The following ALDH1A3 variants were observed in gnomAD, a reference collection of about 807,000 sequenced individuals.
ALDH1A3 encodes the protein retinaldehyde dehydrogenase 3.
Under a neutral mutation model 57.5 loss-of-function variants are expected in ALDH1A3, and 28 were observed. The observed-to-expected ratio is 0.49, with a 90% CI of 0.36 to 0.67. The LOEUF (loss-of-function observed/expected upper bound fraction) is 0.67, where lower values mean the gene tolerates loss of function less well. ALDH1A3 is among the 30% of genes least tolerant of loss of function. The probability of loss-of-function intolerance (pLI) is 0.00; values close to 1 mark genes in which losing one functional copy is unlikely to be tolerated. For missense variants in ALDH1A3, 507 were observed against 669.4 expected, an observed-to-expected ratio of 0.76 and a Z score of 2.68; for synonymous variants, 281 against 264.8, an observed-to-expected ratio of 1.06 and a Z score of -0.59.
At chr15:100,898,791 C>T (rs1306529875) in intron 8 of ALDH1A3, among the ~76,000 whole-genome samples, 1 of 152,208 alleles carries the variant, frequency 6.6e-6, no homozygotes, top group Non-Finnish European at 1.5e-5. Flanking sequence ...TCTTGACAGC[C>T]AAACGACACA....
chr15:100,880,213 G>A (rs1596202344), intron 1 of ALDH1A3: 1 of 400,710 alleles, frequency 2.5e-6, no homozygotes. Flanking sequence ...GCTCGGCGCT[G>A]TGAGCCTCGA....
intron 3 of ALDH1A3, chr15:100,888,883 G>A (rs2041621987): frequency 6.6e-6 from 1 of 152,364 alleles, no homozygotes; most frequent in Non-Finnish European, 1.5e-5. Flanking sequence ...ATGAGGTCAT[G>A]TGAAGACCCA....
chr15:100,885,647 T>C (rs191557810), intron 2 of ALDH1A3, among the ~76,000 whole-genome samples: 1 of 129,652 alleles, frequency 7.7e-6, no homozygotes, highest in African/African-American at 3.2e-5. Context: ...GGAAAGGTTT[T>C]CTTTTTTCTT....
At position 100,893,945 on chromosome 15, in the gene ALDH1A3, C is replaced by T; in HGVS notation, c.538-9C>T. On this transcript the variant is annotated splice_polypyrimidine_tract_variant and intron_variant, in intron 5 of 12. Transcript: ENST00000329841. The surrounding 1 kb of genome is among the most constrained non-coding windows in gnomAD (Gnocchi z 4.8). ...TCTGGGCCTCCAAAGCCCCTGTGCT[C>T]TGTCGCAGTGGAACTTCCCCCTGCT... 1 of 1,613,844 alleles carries T rather than the reference C, an allele frequency of 6.2e-7. No individual in the cohort carries two copies. The highest frequency in any genetic ancestry group is 8.5e-7 in the Non-Finnish European group (1 of 1,179,832).
chr15:100,905,304 G>A (rs980879125), intron 9 of ALDH1A3, among the ~76,000 whole-genome samples: 1 of 152,240 alleles, frequency 6.6e-6, no homozygotes, highest in Non-Finnish European at 1.5e-5. Context: ...TCCAGAGGAT[G>A]AGACTAGTCT....
intron 11 of ALDH1A3, among the ~76,000 whole-genome samples, chr15:100,907,844 C>CTTTTTTTTTTTTTTTTTTTTT (rs71151987): frequency 4.9e-4 from 40 of 81,906 alleles, no homozygotes; most frequent in East Asian, 8.6e-4. Context: ...TTCTTTCTTT[C>CTTTTTTTTTTTTTTTTTTTTT]TTTTTTTTTT....
At chr15:100,884,787 A>G (rs575004335) in intron 1 of ALDH1A3, among the ~76,000 whole-genome samples, 11 of 152,192 alleles carry the variant, frequency 7.2e-5, no homozygotes, top group South Asian at 2.1e-4. Flanking sequence ...TTGGCAATCA[A>G]TCTTGCTGAG....
rs199537142 is a variant in ALDH1A3, at chr15:100,887,659, C to T, written c.292C>T (p.Arg98Trp). 18 of 1,610,874 alleles carry T rather than the reference C, an allele frequency of 1.1e-5. No homozygotes were observed. Among genetic ancestry groups the T allele is most frequent in the East Asian group, 2.2e-5 (1 of 44,660 alleles). Reference sequence around the variant, plus strand: ...CCGGCTGGATGCCCTGAGTCGTGGGCGGCTGCTGCACCAGCTGGCTGACCT... The same window carrying T: ...CCGGCTGGATGCCCTGAGTCGTGGGTGGCTGCTGCACCAGCTGGCTGACCT... ...WRRLDALSRGRLLHQLADLVE... is the reference protein window; with the variant it reads ...WRRLDALSRGWLLHQLADLVE... The change falls in exon 3 of 13, where the codon CGG becomes TGG. Residue 98 changes from arginine (R) to tryptophan (W), a missense_variant. Around this residue, in one of 2 missense-constraint regions of ALDH1A3, gnomAD observed 432 missense variants for 608.4 expected, o/e 0.71. Coordinates refer to ENST00000329841, the MANE Select transcript of ALDH1A3 (RefSeq NM_000693.4). This position sits in a 1 kb window ranked among gnomAD's most constrained non-coding sequence, Gnocchi z 4.6.
intron 3 of ALDH1A3, among the ~76,000 whole-genome samples, chr15:100,888,291 G>A (rs1459452253): frequency 6.6e-6 from 1 of 151,966 alleles, no homozygotes; most frequent in Admixed American, 6.6e-5. Context: ...CAGAGACAGG[G>A]TTTCATCATG....
intron 2 of ALDH1A3, among the ~76,000 whole-genome samples, chr15:100,885,655 CTTTTTTTT>C (rs4646657): frequency 7.2e-6 from 1 of 138,340 alleles, no homozygotes; most frequent in African/African-American, 2.6e-5. Context: ...TTTCTTTTTT[CTTTTTTTT>C]TTTTTTTTAT....
chr15:100,892,306 T>C lies in ALDH1A3; in HGVS notation c.346-204T>C, dbSNP rs2041658199. 9.2e-6 allele frequency: 6 copies of C among 651,124 alleles called. No homozygotes were observed. In the South Asian group the frequency reaches 1.4e-4, roughly 15 times the overall value. The allele number at this position is 651,124 out of a possible 1,614,324, so 40.3% of individuals were successfully genotyped here. A position where few individuals can be genotyped will look rare whatever the true frequency, so the allele number is the denominator to read the frequency against. Reference sequence around the variant, plus strand: ...CACCCTGCAGCCCACTTTAGGTGTTTTGAAATAAAAGCAATCCTCACACTC... The same window carrying C: ...CACCCTGCAGCCCACTTTAGGTGTTCTGAAATAAAAGCAATCCTCACACTC... On this transcript the variant is annotated intron_variant, in intron 3 of 12. Transcript: ENST00000329841.
At chr15:100,892,730 G>A (rs2041662765) in intron 4 of ALDH1A3, 91 bp downstream of exon 4, 1 of 1,506,300 alleles carries the variant, frequency 6.6e-7, no homozygotes, top group South Asian at 1.3e-5. Context: ...TTTCCCTAAG[G>A]CACCATTCCC....
intron 9 of ALDH1A3, among the ~76,000 whole-genome samples, chr15:100,902,362 C>T (rs566819973): frequency 1.3e-5 from 2 of 152,312 alleles, no homozygotes; most frequent in Admixed American, 6.5e-5. Context: ...TTTTAGAATG[C>T]TGTTGGGGTT....
rs1409514634 is a variant in ALDH1A3, at chr15:100,885,521, C to T, written c.204+150C>T. ...CGTGAATTGGCATGTGGTTCTCAGACGTGTGGCACAGAATGGCATCAATTA... is the reference window on the plus strand; with the variant it reads ...CGTGAATTGGCATGTGGTTCTCAGATGTGTGGCACAGAATGGCATCAATTA... On this transcript the variant is annotated intron_variant, in intron 2 of 12. Coordinates refer to ENST00000329841, the MANE Select transcript of ALDH1A3 (RefSeq NM_000693.4). 9 of 611,260 alleles carry T rather than the reference C, an allele frequency of 1.5e-5. No individual in the cohort carries two copies. In the East Asian group the frequency reaches 1.7e-4, roughly 11 times the overall value. 37.9% of individuals were successfully genotyped at this position (611,260 alleles called of 1,614,324 possible). A position where few individuals can be genotyped will look rare whatever the true frequency, so the allele number is the denominator to read the frequency against.
At position 100,889,858 on chromosome 15, in the gene ALDH1A3, G is replaced by C. The variant is rs1018049496; in HGVS notation, c.345+2146G>C. 1.3e-5 allele frequency among the ~76,000 whole-genome samples: 2 copies of C among 152,246 alleles called. No homozygotes were observed. The highest frequency in any genetic ancestry group is 2.9e-5 in the Non-Finnish European group (2 of 68,052). ...CTTTGCCACAACATGAAAGGGACAA[G>C]AGAATTACTGGCAAACACGGTTTTT... On this transcript the variant is annotated intron_variant, in intron 3 of 12. Coordinates refer to ENST00000329841, the MANE Select transcript of ALDH1A3 (RefSeq NM_000693.4). This position sits in a 1 kb window ranked among gnomAD's most constrained non-coding sequence, Gnocchi z 5.1.
At chr15:100,882,512 T>C (rs943698989) in intron 1 of ALDH1A3, among the ~76,000 whole-genome samples, 1 of 152,256 alleles carries the variant, frequency 6.6e-6, no homozygotes, top group East Asian at 1.9e-4. Flanking sequence ...TGAAAACATA[T>C]TCTTTTTGAG....
rs2041681453 is a variant in ALDH1A3 at position 100,894,589 on chromosome 15, G to C, written c.666+507G>C. 2 of 155,998 alleles carry C rather than the reference G, an allele frequency of 1.3e-5. No individual in the cohort carries two copies. Among genetic ancestry groups the C allele is most frequent in the Admixed American group, 1.2e-4 (2 of 16,306 alleles). 9.7% of individuals were successfully genotyped at this position (155,998 alleles called of 1,614,324 possible). ...GAACTTAGGGAAACAGAGGCTCAAT[G>C]GGACACCTCCTTCCAGACATACCTT... On this transcript the variant is annotated intron_variant, in intron 6 of 12. Transcript: ENST00000329841. This position sits in a 1 kb window ranked among gnomAD's most constrained non-coding sequence, Gnocchi z 4.5.
chr15:100,880,392 G>A lies in ALDH1A3; in HGVS notation c.99+386G>A, dbSNP rs188700357. 3.5e-5 allele frequency: 13 copies of A among 371,844 alleles called. 2 individuals carry two copies. In the East Asian group the frequency reaches 5.0e-4, roughly 14 times the overall value. 23.0% of individuals were successfully genotyped at this position (371,844 alleles called of 1,614,324 possible). A position where few individuals can be genotyped will look rare whatever the true frequency, so the allele number is the denominator to read the frequency against. ...GAGCTCCCTCCCCAAAAACCCCTGCGATGATTTCCAGGGTGGACGAGTCTG... is the reference window on the plus strand; with the variant it reads ...GAGCTCCCTCCCCAAAAACCCCTGCAATGATTTCCAGGGTGGACGAGTCTG... On this transcript the variant is annotated intron_variant, in intron 1 of 12. Coordinates refer to ENST00000329841, the MANE Select transcript of ALDH1A3 (RefSeq NM_000693.4).
intron 8 of ALDH1A3, among the ~76,000 whole-genome samples, chr15:100,899,124 A>G (rs79739988): frequency 3.0e-4 from 45 of 152,326 alleles, no homozygotes; most frequent in Non-Finnish European, 5.6e-4. Context: ...GGCTTTCACA[A>G]TGGGAGAAAG....
Sources: allele counts gnomAD v4.1 joint callset (sites outside exome capture counted in the v4.1 genomes callset), GRCh38; gene constraint gnomAD v4.1.1; regional missense constraint gnomAD v4.1.1; non-coding constraint Gnocchi (gnomAD v3.1); transcripts MANE v1.5; gene names NCBI Gene and HGNC (gene_info 2026-07-23, HGNC 2026-07-21).